The following OSBPL10 variants were observed in gnomAD, a reference collection of about 807,000 sequenced individuals.
OSBPL10 encodes the protein oxysterol binding protein like 10, also known as oxysterol-binding protein-related protein 10.
Under a neutral mutation model 81.7 loss-of-function variants are expected in OSBPL10, and 49 were observed. The observed-to-expected ratio is 0.60, with a 90% CI of 0.48 to 0.76. The LOEUF is 0.76. Among genes scored for constraint, OSBPL10 ranks in the 30% least tolerant of loss-of-function variants. The probability of loss-of-function intolerance (pLI) is 0.00; values close to 1 mark genes in which losing one functional copy is unlikely to be tolerated. For synonymous variants in OSBPL10, 419 were observed against 383.6 expected, an observed-to-expected ratio of 1.09 and a Z score of -1.08; for missense variants, 923 against 987.8, an observed-to-expected ratio of 0.93 and a Z score of 0.88.
chr3:32,015,016 C>T (rs573808903), intron 2 of OSBPL10, among the ~76,000 whole-genome samples: 389 of 152,322 alleles, frequency 2.6e-3, no homozygotes, highest in Non-Finnish European at 3.6e-3. Context: ...AATGGCCATA[C>T]TGCCCAAGGT....
Position 31,953,023 on chromosome 3 carries a change from C to T in OSBPL10, c.281+27876G>A, listed in dbSNP as rs148824419. Among the ~76,000 whole-genome samples the T allele has an allele frequency of 0.016, 2,489 of 151,054 alleles. 171 individuals carry two copies. In the East Asian group the frequency reaches 0.22, roughly 13 times the overall value. Reference sequence around the variant, plus strand: ...TCTCGGCTCACTGCAACCTCCGCCTCCAGGGTTCAAGCAATGCTCCGCCTC... The same window carrying T: ...TCTCGGCTCACTGCAACCTCCGCCTTCAGGGTTCAAGCAATGCTCCGCCTC... On this transcript the variant is annotated intron_variant, in intron 1 of 11. Coordinates refer to ENST00000396556, the MANE Select transcript of OSBPL10 (RefSeq NM_017784.5).
intron 3 of OSBPL10, among the ~76,000 whole-genome samples, chr3:31,872,622 CT>C (rs71097452): frequency 3.2e-3 from 405 of 127,810 alleles, no homozygotes; most frequent in East Asian, 6.9e-3. Flanking sequence ...AATTCAAAAG[CT>C]TTTTTTTTTT....
At chr3:31,669,477 A>G (rs1700273894) in intron 9 of OSBPL10, among the ~76,000 whole-genome samples, 2 of 152,276 alleles carry the variant, frequency 1.3e-5, no homozygotes, top group South Asian at 4.1e-4. Flanking sequence ...CTTATGTTGG[A>G]AAAGGAGGGA....
At chr3:31,786,013 C>T (rs1360836194) in intron 4 of OSBPL10, among the ~76,000 whole-genome samples, 1 of 152,214 alleles carries the variant, frequency 6.6e-6, no homozygotes. Flanking sequence ...ACTTTGGAAT[C>T]ACTCCCATGA....
intron 6 of OSBPL10, chr3:31,716,918 C>G (rs545347593): frequency 6.6e-6 from 1 of 152,266 alleles, no homozygotes; most frequent in East Asian, 1.9e-4. Flanking sequence ...ATCATTTATG[C>G]TTCTCACCCA....
At chr3:31,930,644 G>T (rs1697212547) in intron 1 of OSBPL10, among the ~76,000 whole-genome samples, 1 of 152,130 alleles carries the variant, frequency 6.6e-6, no homozygotes, top group Non-Finnish European at 1.5e-5. Context: ...AAAGAGTTAG[G>T]AAGCCTTTTA....
chr3:31,859,902 T>G (rs963115919), intron 3 of OSBPL10, among the ~76,000 whole-genome samples: 2 of 152,204 alleles, frequency 1.3e-5, no homozygotes, highest in African/African-American at 4.8e-5. Context: ...CATTCCCACA[T>G]GTAATCAGAC....
intron 2 of OSBPL10, among the ~76,000 whole-genome samples, chr3:32,004,727 A>C (rs1699186770): frequency 6.6e-6 from 1 of 152,248 alleles, no homozygotes; most frequent in Non-Finnish European, 1.5e-5. Flanking sequence ...GGGCTGCCTG[A>C]CAGCCTTGCA....
Position 31,835,915 on chromosome 3 carries a change from T to C in OSBPL10, c.538-5684A>G, listed in dbSNP as rs183289448. On this transcript the variant is annotated intron_variant, in intron 3 of 11. Transcript: ENST00000396556. ...ATTAGCTGGAATTTCACTTTCCTGATAGTCAACCTCCGAATAAAATGTGAA... is the reference window on the plus strand; with the variant it reads ...ATTAGCTGGAATTTCACTTTCCTGACAGTCAACCTCCGAATAAAATGTGAA... Among the ~76,000 whole-genome samples the C allele has an allele frequency of 4.5e-4, 68 of 152,378 alleles. 1 individual carries two copies. Among genetic ancestry groups the C allele is most frequent in the African/African-American group, 1.6e-3 (66 of 41,590 alleles).
intron 1 of OSBPL10, among the ~76,000 whole-genome samples, chr3:31,939,266 T>A (rs964223707): frequency 2.7e-5 from 4 of 150,134 alleles, no homozygotes; most frequent in African/African-American, 9.8e-5. Context: ...TGCCTCAGCC[T>A]CCCGAGTAGC....
chr3:31,980,846 C>A, intron 1 of OSBPL10, 53 bp downstream of exon 1: 1 of 1,158,034 alleles, frequency 8.6e-7, no homozygotes, highest in Non-Finnish European at 1.1e-6. Flanking sequence ...CGCACGCACA[C>A]ACACACACAC....
chr3:31,809,106 A>C (rs1699599164), intron 4 of OSBPL10, among the ~76,000 whole-genome samples: 3 of 152,272 alleles, frequency 2.0e-5, no homozygotes, highest in Non-Finnish European at 4.4e-5. Context: ...CATACTAGCC[A>C]ACAAAATTAT....
intron 4 of OSBPL10, among the ~76,000 whole-genome samples, chr3:31,753,062 C>T (rs1559449487): frequency 6.6e-6 from 1 of 152,112 alleles, no homozygotes; most frequent in East Asian, 1.9e-4. Context: ...TCTCTTCAGT[C>T]TGGTGGAATT....
At chr3:31,694,823 C>T (rs1250274557) in intron 7 of OSBPL10, among the ~76,000 whole-genome samples, 1 of 152,176 alleles carries the variant, frequency 6.6e-6, no homozygotes, top group Non-Finnish European at 1.5e-5. Context: ...GGCACAATCT[C>T]GGCTCACTGC....
At chr3:31,789,245 T>C (rs935276548) in intron 4 of OSBPL10, among the ~76,000 whole-genome samples, 40 of 152,216 alleles carry the variant, frequency 2.6e-4, no homozygotes, top group African/African-American at 8.9e-4. Context: ...TTCATACATA[T>C]ATTTAATGAA....
chr3:32,053,158 C>A (rs1308440333), intron 1 of OSBPL10, among the ~76,000 whole-genome samples: 1 of 151,992 alleles, frequency 6.6e-6, no homozygotes, highest in African/African-American at 2.4e-5. Context: ...GGTTTTTCAC[C>A]AAAAGTAAAA....
intron 1 of OSBPL10, among the ~76,000 whole-genome samples, chr3:31,903,889 G>T (rs1375009197): frequency 6.6e-6 from 1 of 152,088 alleles, no homozygotes; most frequent in Non-Finnish European, 1.5e-5. Context: ...ACACTTGTCA[G>T]GACATGTCAA....
chr3:31,860,041 C>T (rs571031573), intron 3 of OSBPL10, among the ~76,000 whole-genome samples: 2 of 152,252 alleles, frequency 1.3e-5, no homozygotes, highest in South Asian at 4.1e-4. Flanking sequence ...GGACATTGCT[C>T]ACATATACCT....
intron 3 of OSBPL10, among the ~76,000 whole-genome samples, chr3:31,857,273 A>C (rs1700935293): frequency 6.6e-6 from 1 of 152,218 alleles, no homozygotes; most frequent in Non-Finnish European, 1.5e-5. Flanking sequence ...TAAAGGGGAG[A>C]GATGTAGCAG....
Sources: allele counts gnomAD v4.1 joint callset (sites outside exome capture counted in the v4.1 genomes callset), GRCh38; gene constraint gnomAD v4.1.1; transcripts MANE v1.5; gene names NCBI Gene and HGNC (gene_info 2026-07-23, HGNC 2026-07-21).